Variants in ASXL3 observed in about 807,000 individuals in gnomAD.
The protein encoded by ASXL3 is putative Polycomb group protein ASXL3.
ASXL3 carries 34 observed loss-of-function variants against 170.6 expected under a neutral mutation model. The observed-to-expected ratio is 0.20, with a 90% confidence interval of 0.15 to 0.27. The LOEUF is 0.27. ASXL3 is among the 10% of genes least tolerant of loss of function. The probability of loss-of-function intolerance (pLI) is 1.00; values close to 1 mark genes in which losing one functional copy is unlikely to be tolerated. For synonymous variants in ASXL3, 1,002 were observed against 989.1 expected (o/e 1.01, Z -0.24); for missense variants, 2,592 against 2,695.3 (o/e 0.96, Z 0.85).
chr18:33,648,277 G>T (rs540136799), intron 4 of ASXL3, among the ~76,000 whole-genome samples: 1 of 152,076 alleles, frequency 6.6e-6, no homozygotes, highest in Non-Finnish European at 1.5e-5. Context: ...TAGAGGAGAG[G>T]TGTTGTTGAT....
At chr18:33,676,482 G>A (rs990817181) in intron 7 of ASXL3, among the ~76,000 whole-genome samples, 3 of 152,108 alleles carry the variant, frequency 2.0e-5, no homozygotes, top group Non-Finnish European at 4.4e-5. Context: ...AAAATGGTAT[G>A]TATTTCTCTG....
At chr18:33,660,243 C>T (rs531386547) in intron 4 of ASXL3, among the ~76,000 whole-genome samples, 3 of 152,210 alleles carry the variant, frequency 2.0e-5, no homozygotes, top group African/African-American at 7.2e-5. Flanking sequence ...TAAATCAGAT[C>T]ACATGTTGGA....
rs1172340209 is a variant in ASXL3 at position 33,745,405 on chromosome 18, G to C, written c.5557G>C (p.Asp1853His). ...CEPGKLLVEPDVKGVPCVISS... is the reference protein window; with the variant it reads ...CEPGKLLVEPHVKGVPCVISS... Reference sequence around the variant, plus strand: ...ACCAGGAAAATTGTTGGTGGAGCCAGATGTTAAAGGGGTGCCTTGTGTCAT... The same window carrying C: ...ACCAGGAAAATTGTTGGTGGAGCCACATGTTAAAGGGGTGCCTTGTGTCAT... The change falls in exon 12 of 12, where the codon GAT becomes CAT. Residue 1853 changes from aspartate (D) to histidine (H), a missense_variant. Asp to His is a moderately conservative substitution (Grantham distance 81, BLOSUM62 -1). Around this residue, in one of 4 missense-constraint regions of ASXL3, gnomAD observed 2,246 missense variants for 2,219.6 expected, o/e 1.01. Coordinates refer to ENST00000269197, the MANE Select transcript of ASXL3 (RefSeq NM_030632.3). 2 of 1,613,984 alleles carry C rather than the reference G, an allele frequency of 1.2e-6. No homozygotes were observed. Among genetic ancestry groups the C allele is most frequent in the Non-Finnish European group, 8.5e-7 (1 of 1,179,886 alleles).
At chr18:33,653,506 A>G (rs2066033667) in intron 4 of ASXL3, among the ~76,000 whole-genome samples, 1 of 152,112 alleles carries the variant, frequency 6.6e-6, no homozygotes. Context: ...CACATTGAAG[A>G]AAACACAGAG....
rs900907080 is a variant in ASXL3, at chr18:33,592,144, G to A, written c.54+13459G>A. Among the ~76,000 whole-genome samples, 8 of 152,228 alleles carry A rather than the reference G, an allele frequency of 5.3e-5. 1 individual carries two copies. The South Asian group carries it at 1.0e-3, about 20-fold the overall frequency. On this transcript the variant is annotated intron_variant, in intron 1 of 11. Coordinates refer to ENST00000269197, the MANE Select transcript of ASXL3 (RefSeq NM_030632.3). ...GTCGTAGGCAGTTCAGATGGGGAAA[G>A]CAAATCTAAGCACATGAAAGGTATC... is the stretch of plus-strand genomic sequence containing the variant.
intron 2 of ASXL3, among the ~76,000 whole-genome samples, chr18:33,621,363 C>T (rs1164804898): frequency 6.6e-6 from 1 of 152,080 alleles, no homozygotes; most frequent in Non-Finnish European, 1.5e-5. Context: ...TCTGTTCTTA[C>T]GTACTATTGA....
At chr18:33,627,915 G>A (rs1489409995) in intron 2 of ASXL3, among the ~76,000 whole-genome samples, 3 of 152,094 alleles carry the variant, frequency 2.0e-5, no homozygotes, top group Non-Finnish European at 4.4e-5. Context: ...AGCTTGCTGA[G>A]TGTTGAACAT....
chr18:33,656,458 G>C (rs867245210), intron 4 of ASXL3, among the ~76,000 whole-genome samples: 7 of 152,036 alleles, frequency 4.6e-5, no homozygotes, highest in Admixed American at 1.3e-4. Context: ...GTGGGACAGA[G>C]AGCAATTAAT....
chr18:33,708,811 A>G (rs1375017764), intron 8 of ASXL3, among the ~76,000 whole-genome samples: 2 of 152,234 alleles, frequency 1.3e-5, no homozygotes, highest in Non-Finnish European at 2.9e-5. Context: ...TATTTATTCC[A>G]AGGTATTTTT....
chr18:33,695,031 G>A (rs1472168866), intron 8 of ASXL3, among the ~76,000 whole-genome samples: 2 of 152,016 alleles, frequency 1.3e-5, no homozygotes, highest in Non-Finnish European at 2.9e-5. Context: ...TTTTCCCTCC[G>A]TGGAAATAGC....
intron 4 of ASXL3, among the ~76,000 whole-genome samples, chr18:33,652,846 T>C (rs1475899708): frequency 1.3e-5 from 2 of 151,886 alleles, no homozygotes; most frequent in Non-Finnish European, 2.9e-5. Flanking sequence ...TTATCAAAAG[T>C]GAAAAGTGTG....
chr18:33,710,289 T>A (rs2067034235), intron 8 of ASXL3, among the ~76,000 whole-genome samples: 1 of 152,016 alleles, frequency 6.6e-6, no homozygotes, highest in Non-Finnish European at 1.5e-5. Context: ...CAAAACTGAC[T>A]GGTGGTCATT....
chr18:33,683,740 T>A (rs1398693461), intron 8 of ASXL3, 172 bp downstream of exon 8: 5 of 639,400 alleles, frequency 7.8e-6, no homozygotes, highest in Non-Finnish European at 1.2e-5. Context: ...ACCATTTTTA[T>A]TCTTAATAGT....
intron 4 of ASXL3, 100 bp from the exon 5 acceptor site, chr18:33,661,516 G>T: frequency 1.7e-6 from 2 of 1,158,854 alleles, no homozygotes; most frequent in South Asian, 1.6e-5. Flanking sequence ...TTTATTTTAG[G>T]TATCCATTTT....
chr18:33,591,258 C>T (rs1012264487), intron 1 of ASXL3, among the ~76,000 whole-genome samples: 2 of 152,056 alleles, frequency 1.3e-5, no homozygotes, highest in African/African-American at 4.8e-5. Context: ...CTCTTTTTAA[C>T]ACATTTTACT....
At chr18:33,735,005 A>G (rs148005847) in intron 10 of ASXL3, among the ~76,000 whole-genome samples, 146 of 152,230 alleles carry the variant, frequency 9.6e-4, no homozygotes, top group African/African-American at 3.4e-3. Context: ...CCTTTGCCTC[A>G]GGTTTAACAG....
In ASXL3 at chr18:33,745,785, A is replaced by G. The variant is rs754192724; in HGVS notation, c.5937A>G (p.Ser1979=). 1.2e-6 allele frequency: 2 copies of G among 1,614,014 alleles called. No individual in the cohort carries two copies. Among genetic ancestry groups the G allele is most frequent in the South Asian group, 1.1e-5 (1 of 91,090 alleles). The change falls in exon 12 of 12, where the codon TCA becomes TCG. Residue 1979 remains serine (S), a synonymous_variant. Coordinates refer to ENST00000269197, the MANE Select transcript of ASXL3 (RefSeq NM_030632.3). The stretch of plus-strand genomic sequence containing the variant: ...GATTGGGAGAGGTTAGTCTTTCCTC[A>G]GCACCTCACCAGCTAAGGTTAGCCA... ...QKGLGEVSLS[S]APHQLRLANM...
At chr18:33,692,329 AGAG>A (rs1340303680) in intron 8 of ASXL3, among the ~76,000 whole-genome samples, 1 of 152,160 alleles carries the variant, frequency 6.6e-6, no homozygotes, top group African/African-American at 2.4e-5. Flanking sequence ...AGCATAGAAC[AGAG>A]GAGGAGGAGT....
At chr18:33,623,991 T>C (rs1294850565) in intron 2 of ASXL3, among the ~76,000 whole-genome samples, 1 of 151,998 alleles carries the variant, frequency 6.6e-6, no homozygotes, top group African/African-American at 2.4e-5. Flanking sequence ...AGACCCCTTA[T>C]GTACAAAATA....
Sources: gnomAD v4.1 joint callset for allele counts (sites outside exome capture counted in the v4.1 genomes callset) on GRCh38, gnomAD v4.1.1 for gene constraint, gnomAD v4.1.1 regional missense constraint, MANE v1.5 for transcripts, NCBI Gene and HGNC (gene_info 2026-07-23, HGNC 2026-07-21) for gene names.